PCDH15: variants seen among roughly 807,000 people sequenced by gnomAD.
PCDH15 encodes protocadherin-15.
In PCDH15, 129 loss-of-function variants were observed where a neutral mutation model predicts 178.5. The ratio of observed to expected loss-of-function variants is 0.72; its 90% CI spans 0.63 to 0.84. The LOEUF is 0.84. PCDH15 is among the 40% of genes least tolerant of loss of function. PCDH15 has a pLI of 0.00. For missense variants in PCDH15, 2,230 were observed against 2,099.9 expected (o/e 1.06, Z -1.21); for synonymous variants, 800 against 732.0 (o/e 1.09, Z -1.50).
chr10:55,042,096 G>C (rs1036767301), intron 2 of PCDH15, among the ~76,000 whole-genome samples: 41 of 152,210 alleles, frequency 2.7e-4, no homozygotes, highest in African/African-American at 9.9e-4. Flanking sequence ...CCTTTCTTGA[G>C]TATTTAAGAT....
chr10:55,194,404 A>G (rs1037595390), intron 1 of PCDH15, among the ~76,000 whole-genome samples: 2 of 152,050 alleles, frequency 1.3e-5, no homozygotes, highest in African/African-American at 4.8e-5. Context: ...TCCAATACCA[A>G]TGTTACAGGA....
chr10:54,387,304 A>C (rs1438380266), intron 3 of PCDH15, among the ~76,000 whole-genome samples: 3 of 152,174 alleles, frequency 2.0e-5, no homozygotes, highest in Non-Finnish European at 4.4e-5. Flanking sequence ...CATTCACAAT[A>C]GCTAAAACTT....
At chr10:53,957,965 T>C (rs926948655) in intron 23 of PCDH15, among the ~76,000 whole-genome samples, 1 of 152,230 alleles carries the variant, frequency 6.6e-6, no homozygotes, top group Admixed American at 6.5e-5. Flanking sequence ...GAAGATTTTC[T>C]GGTAATTATA....
chr10:55,468,729 G>T (rs570595759), intron 2 of PCDH15, among the ~76,000 whole-genome samples: 1 of 152,218 alleles, frequency 6.6e-6, no homozygotes, highest in South Asian at 2.1e-4. Flanking sequence ...AATTTCATTT[G>T]AGATTTATAG....
At chr10:54,191,878 G>GAC (rs1287913900) in intron 11 of PCDH15, among the ~76,000 whole-genome samples, 1 of 150,798 alleles carries the variant, frequency 6.6e-6, no homozygotes, top group African/African-American at 2.4e-5. Context: ...CCTGGATTGT[G>GAC]ACGCTGCACT....
chr10:53,859,438 G>A (rs2078962568), intron 27 of PCDH15, among the ~76,000 whole-genome samples: 1 of 152,138 alleles, frequency 6.6e-6, no homozygotes, highest in Admixed American at 6.6e-5. Flanking sequence ...TGTTAGGACT[G>A]TCTGCCCTGT....
At chr10:54,254,040 G>T (rs1264626314) in intron 8 of PCDH15, among the ~76,000 whole-genome samples, 1 of 152,010 alleles carries the variant, frequency 6.6e-6, no homozygotes, top group Non-Finnish European at 1.5e-5. Context: ...TTAACAAAAT[G>T]AGGAATATAA....
At chr10:53,984,289 A>G (rs867015284) in intron 21 of PCDH15, among the ~76,000 whole-genome samples, 3 of 151,152 alleles carry the variant, frequency 2.0e-5, no homozygotes, top group Middle Eastern at 3.4e-3. Flanking sequence ...AGCTGGGACT[A>G]CAGGCGCCCA....
chr10:54,013,498 A>C (rs2092652352), intron 20 of PCDH15, among the ~76,000 whole-genome samples: 1 of 152,234 alleles, frequency 6.6e-6, no homozygotes, highest in Admixed American at 6.5e-5. Flanking sequence ...AATTGACCAC[A>C]CAATTGGACA....
Position 55,406,137 on chromosome 10 carries a change from C to T in PCDH15, c.-156+221488G>A, listed in dbSNP as rs1838192765. Among the ~76,000 whole-genome samples, 5 of 150,782 alleles carry T rather than the reference C, an allele frequency of 3.3e-5. No individual in the cohort carries two copies. In the South Asian group the frequency reaches 8.4e-4, roughly 25 times the overall value. On this transcript the variant is annotated intron_variant, in intron 2 of 5. Coordinates refer to the PCDH15 transcript ENST00000613346. ...ATGTAATGGAAAAGAGGCTAGAGTT[C>T]CTGCAGGAGAATAGCAGGGGATGAG...
chr10:54,332,865 T>C (rs1325135150), intron 6 of PCDH15, among the ~76,000 whole-genome samples: 1 of 152,126 alleles, frequency 6.6e-6, no homozygotes, highest in Non-Finnish European at 1.5e-5. Flanking sequence ...TGCACTGAAT[T>C]CTTATCATCT....
In PCDH15 at chr10:54,867,841, G is replaced by A. The variant is rs549510836; in HGVS notation, c.-29+29609C>T. Among the ~76,000 whole-genome samples the A allele has an allele frequency of 2.6e-3, 390 of 152,248 alleles. 3 individuals are homozygous for A. Among genetic ancestry groups the A allele is most frequent in the Non-Finnish European group, 4.5e-3 (309 of 68,008 alleles). Reference sequence around the variant, plus strand: ...ACTTTGTCCTCTAGCTCAGCAGTGTGATGGAGGTTCCAAAGTTTGAGTTAG... The same window carrying A: ...ACTTTGTCCTCTAGCTCAGCAGTGTAATGGAGGTTCCAAAGTTTGAGTTAG... On this transcript the variant is annotated intron_variant, in intron 3 of 5. Transcript: ENST00000458638.
At chr10:54,326,181 T>C (rs1307056482) in intron 7 of PCDH15, among the ~76,000 whole-genome samples, 4 of 152,052 alleles carry the variant, frequency 2.6e-5, no homozygotes, top group Admixed American at 6.6e-5. Context: ...AAACCCACAA[T>C]TGGCCCTCAA....
At chr10:55,484,072 C>G (rs1053969175) in intron 2 of PCDH15, among the ~76,000 whole-genome samples, 2 of 151,378 alleles carry the variant, frequency 1.3e-5, no homozygotes, top group African/African-American at 4.8e-5. Context: ...ATACCATATA[C>G]AAGTGGGAGC....
intron 9 of PCDH15, among the ~76,000 whole-genome samples, chr10:54,231,714 C>T (rs144610369): frequency 3.9e-5 from 6 of 152,328 alleles, no homozygotes; most frequent in African/African-American, 1.2e-4. Context: ...GGAGCCCACC[C>T]CCTGCATCAG....
chr10:54,879,873 C>T (rs1954228379), intron 3 of PCDH15, among the ~76,000 whole-genome samples: 1 of 151,738 alleles, frequency 6.6e-6, no homozygotes, highest in Non-Finnish European at 1.5e-5. Context: ...GAAAAGTTTG[C>T]AGATAACTGT....
chr10:53,875,123 G>A (rs1396580092), intron 26 of PCDH15, among the ~76,000 whole-genome samples: 1 of 151,700 alleles, frequency 6.6e-6, no homozygotes, highest in African/African-American at 2.4e-5. Flanking sequence ...AAGAGAGAAA[G>A]CGAGAATAGA....
chr10:55,201,953 T>C (rs972739711), intron 1 of PCDH15, among the ~76,000 whole-genome samples: 1 of 152,128 alleles, frequency 6.6e-6, no homozygotes, highest in Admixed American at 6.5e-5. Context: ...TTTTTCCCCC[T>C]AGGTTTAGAA....
At chr10:54,920,379 T>G (rs1052027304) in intron 2 of PCDH15, among the ~76,000 whole-genome samples, 3 of 138,770 alleles carry the variant, frequency 2.2e-5, no homozygotes, top group Non-Finnish European at 3.0e-5. Context: ...TGAGGCAGGA[T>G]AATGGCTTGA....
Sources: gnomAD v4.1 joint callset for allele counts (sites outside exome capture counted in the v4.1 genomes callset) on GRCh38, gnomAD v4.1.1 for gene constraint, MANE v1.5 for transcripts, NCBI Gene and HGNC (gene_info 2026-07-23, HGNC 2026-07-21) for gene names.